JAZF1: variants seen among roughly 807,000 people sequenced by gnomAD.
JAZF1 encodes juxtaposed with another zinc finger protein 1.
In JAZF1, 8 loss-of-function variants were observed where a neutral mutation model predicts 26.4. That is an observed-to-expected ratio of 0.30 (90% CI 0.18 to 0.55). The LOEUF is 0.55. JAZF1 is among the 20% of genes least tolerant of loss of function. The pLI is 0.94. For synonymous variants in JAZF1, 126 were observed against 122.3 expected, an observed-to-expected ratio of 1.03 and a Z score of -0.20; for missense variants, 199 against 322.0, an observed-to-expected ratio of 0.62 and a Z score of 2.92.
At chr7:28,134,485 T>A (rs888393375) in intron 1 of JAZF1, among the ~76,000 whole-genome samples, 57 of 127,848 alleles carry the variant, frequency 4.5e-4, no homozygotes, top group Middle Eastern at 3.8e-3. Context: ...TTTTTTTTTT[T>A]AATTTTTCAT....
At chr7:28,049,679 C>G (rs1017887636) in intron 1 of JAZF1, among the ~76,000 whole-genome samples, 1 of 152,154 alleles carries the variant, frequency 6.6e-6, no homozygotes, top group Non-Finnish European at 1.5e-5. Context: ...AGGAAGCTCT[C>G]TTCAGGTTCA....
intron 2 of JAZF1, among the ~76,000 whole-genome samples, chr7:27,975,519 A>G (rs996379382): frequency 2.0e-5 from 3 of 152,188 alleles, no homozygotes; most frequent in African/African-American, 7.2e-5. Context: ...CCAGGAGAGG[A>G]CACAGCAGGG....
chr7:28,041,227 A>C, intron 1 of JAZF1, among the ~76,000 whole-genome samples: 1 of 152,260 alleles, frequency 6.6e-6, no homozygotes, highest in East Asian at 1.9e-4. Context: ...AGTTCTGTGC[A>C]TGTCTGCATG....
intron 1 of JAZF1, among the ~76,000 whole-genome samples, chr7:28,028,499 C>T (rs778500054): frequency 4.3e-4 from 65 of 152,186 alleles, no homozygotes; most frequent in Admixed American, 3.3e-4. Context: ...AGAGATGTTG[C>T]AACATTCTTC....
chr7:28,062,211 G>A (rs1207895156), intron 1 of JAZF1, among the ~76,000 whole-genome samples: 1 of 152,142 alleles, frequency 6.6e-6, no homozygotes, highest in Non-Finnish European at 1.5e-5. Context: ...TAGCTGCTCT[G>A]TGATAATGGA....
chr7:27,859,091 G>A (rs1352269309), intron 3 of JAZF1, among the ~76,000 whole-genome samples: 1 of 152,140 alleles, frequency 6.6e-6, no homozygotes. Flanking sequence ...CTCAAAAGAA[G>A]ACATTTATGC....
In JAZF1 at chr7:28,026,249, A is replaced by G. The variant is rs1263561179; in HGVS notation, c.116-34268T>C. The stretch of plus-strand genomic sequence containing the variant: ...ATGCTCCACAGGAATAAAAGCTACA[A>G]AAGTATTCTTCTCTAAAGCCCAAAG... On this transcript the variant is annotated intron_variant, in intron 1 of 4. Transcript: ENST00000283928. 2.0e-5 allele frequency among the ~76,000 whole-genome samples: 3 copies of G among 152,210 alleles called. No homozygotes were observed. The East Asian group carries it at 5.8e-4, about 29-fold the overall frequency.
intron 3 of JAZF1, among the ~76,000 whole-genome samples, chr7:27,890,645 GAAT>G (rs1434228081): frequency 3.3e-5 from 5 of 152,132 alleles, no homozygotes; most frequent in African/African-American, 1.2e-4. Context: ...CTGTACATGG[GAAT>G]AATAATGTCT....
intron 1 of JAZF1, among the ~76,000 whole-genome samples, chr7:28,004,889 G>A (rs1782673035): frequency 6.6e-6 from 1 of 152,166 alleles, no homozygotes; most frequent in Admixed American, 6.5e-5. Flanking sequence ...CTGACTTCAA[G>A]TGATTTGCCC....
chr7:27,911,163 G>A (rs1784354295), intron 2 of JAZF1, among the ~76,000 whole-genome samples: 1 of 152,148 alleles, frequency 6.6e-6, no homozygotes, highest in Admixed American at 6.5e-5. Context: ...TCCCAACGGT[G>A]TGCAAACTAA....
At chr7:27,970,725 A>T (rs1441176980) in intron 2 of JAZF1, among the ~76,000 whole-genome samples, 10 of 152,252 alleles carry the variant, frequency 6.6e-5, no homozygotes, top group Non-Finnish European at 1.2e-4. Context: ...TTTATTAAAG[A>T]AGCACACATT....
intron 2 of JAZF1, among the ~76,000 whole-genome samples, chr7:27,904,479 A>G (rs1023029207): frequency 6.6e-6 from 1 of 152,218 alleles, no homozygotes; most frequent in Non-Finnish European, 1.5e-5. Flanking sequence ...TGATCTGGGA[A>G]CTTAATAAAT....
At chr7:27,977,727 A>G (rs1169962947) in intron 2 of JAZF1, among the ~76,000 whole-genome samples, 1 of 152,144 alleles carries the variant, frequency 6.6e-6, no homozygotes, top group African/African-American at 2.4e-5. Context: ...CTCCACACAC[A>G]TACACACACA....
At chr7:27,967,359 C>T (rs1785295306) in intron 2 of JAZF1, among the ~76,000 whole-genome samples, 1 of 152,082 alleles carries the variant, frequency 6.6e-6, no homozygotes, top group Non-Finnish European at 1.5e-5. Context: ...TCTGCTTGCA[C>T]ATAGGAAGAG....
chr7:27,896,737 G>A (rs748928873), intron 2 of JAZF1, among the ~76,000 whole-genome samples: 10 of 152,192 alleles, frequency 6.6e-5, no homozygotes, highest in Non-Finnish European at 1.0e-4. Flanking sequence ...ATACTGTTAC[G>A]CTGTCTTAAA....
chr7:28,131,410 C>T lies in JAZF1; in HGVS notation c.115+49053G>A, dbSNP rs894971862. On this transcript the variant is annotated intron_variant, in intron 1 of 4. Coordinates refer to ENST00000283928, the MANE Select transcript of JAZF1 (RefSeq NM_175061.4). Reference sequence around the variant, plus strand: ...GGAAAATAACAGAAGATTCTCAATCCCTTTCCAAAACACTTTTTATTTCAC... The same window carrying T: ...GGAAAATAACAGAAGATTCTCAATCTCTTTCCAAAACACTTTTTATTTCAC... Among the ~76,000 whole-genome samples, 5 of 152,118 alleles carry T rather than the reference C, an allele frequency of 3.3e-5. No homozygotes were observed. In the East Asian group the frequency reaches 9.6e-4, roughly 29 times the overall value.
intron 1 of JAZF1, among the ~76,000 whole-genome samples, chr7:28,062,027 T>A (rs894486613): frequency 6.6e-6 from 1 of 152,234 alleles, no homozygotes; most frequent in Admixed American, 6.5e-5. Flanking sequence ...AATTTTTTAC[T>A]GAGTACTTCA....
chr7:27,895,463 T>G, intron 2 of JAZF1, 47 bp from the exon 3 acceptor site: 1 of 1,340,812 alleles, frequency 7.5e-7, no homozygotes, highest in Middle Eastern at 1.9e-4. Flanking sequence ...GTATAGAGCA[T>G]GAGGACTGAT....
chr7:28,054,106 T>C (rs564855053), intron 1 of JAZF1, among the ~76,000 whole-genome samples: 1 of 152,322 alleles, frequency 6.6e-6, no homozygotes, highest in South Asian at 2.1e-4. Flanking sequence ...AACCAATTAG[T>C]GAAGTAGAAC....
Sources: gnomAD v4.1 joint callset for allele counts (sites outside exome capture counted in the v4.1 genomes callset) on GRCh38, gnomAD v4.1.1 for gene constraint, MANE v1.5 for transcripts, NCBI Gene and HGNC (gene_info 2026-07-23, HGNC 2026-07-21) for gene names.